The following ANK3 variants were observed in gnomAD, a reference collection of about 807,000 sequenced individuals.
The protein encoded by ANK3 is ankyrin 3.
A neutral mutation model predicts 370.9 loss-of-function variants in ANK3; 57 were observed. That is an observed-to-expected ratio of 0.15 (90% CI 0.12 to 0.19). The LOEUF is 0.19. Ranked by LOEUF, ANK3 falls within the 10% of genes least tolerant of loss-of-function variation. The probability of loss-of-function intolerance (pLI) is 1.00; values close to 1 mark genes in which losing one functional copy is unlikely to be tolerated. For synonymous variants in ANK3, 1,929 were observed against 1,946.3 expected, an observed-to-expected ratio of 0.99 and a Z score of 0.23; for missense variants, 4,439 against 5,302.1, an observed-to-expected ratio of 0.84 and a Z score of 5.06.
chr10:60,468,997 G>GTGTATATATATATA (rs2065079802), intron 2 of ANK3, among the ~76,000 whole-genome samples: 1 of 23,256 alleles, frequency 4.3e-5, no homozygotes, highest in East Asian at 2.0e-3. Context: ...CTTTTAGTGT[G>GTGTATATATATATA]TATATATATA....
At chr10:60,661,250 A>G (rs1242545119) in intron 1 of ANK3, among the ~76,000 whole-genome samples, 1 of 152,068 alleles carries the variant, frequency 6.6e-6, no homozygotes, top group African/African-American at 2.4e-5. Context: ...ACATATAAAC[A>G]TATAAGCAAA....
chr10:60,471,633 T>C (rs1014508376), intron 2 of ANK3, among the ~76,000 whole-genome samples: 1 of 152,152 alleles, frequency 6.6e-6, no homozygotes, highest in Non-Finnish European at 1.5e-5. Flanking sequence ...GATCAAACAC[T>C]ATATACCTTG....
chr10:60,390,951 G>A (rs1231185517), upstream of ANK3, among the ~76,000 whole-genome samples: 4 of 152,174 alleles, frequency 2.6e-5, no homozygotes, highest in Non-Finnish European at 4.4e-5. Flanking sequence ...CATCATGTGA[G>A]GATTTGGTTG....
chr10:60,719,669 C>T (rs760632115), intron 1 of ANK3, among the ~76,000 whole-genome samples: 9 of 152,066 alleles, frequency 5.9e-5, no homozygotes, highest in African/African-American at 1.9e-4. Flanking sequence ...GCCATTTATC[C>T]TTTTGGTACT....
At chr10:60,695,497 C>G (rs146255868) in intron 1 of ANK3, among the ~76,000 whole-genome samples, 12 of 152,074 alleles carry the variant, frequency 7.9e-5, no homozygotes, top group East Asian at 1.9e-4. Flanking sequence ...CCACATACTT[C>G]GAAGTAAAGC....
chr10:60,509,070 G>A (rs2076012467), intron 2 of ANK3, among the ~76,000 whole-genome samples: 1 of 151,998 alleles, frequency 6.6e-6, no homozygotes, highest in South Asian at 2.1e-4. Context: ...AGGGCAACTG[G>A]CAGCTAAAAA....
At chr10:60,226,197 T>C (rs1226124751) in intron 8 of ANK3, among the ~76,000 whole-genome samples, 4 of 127,534 alleles carry the variant, frequency 3.1e-5, no homozygotes, top group African/African-American at 1.2e-4. Flanking sequence ...ATATATACTA[T>C]ATTATATAGT....
At chr10:60,448,380 G>A (rs1020775512) in intron 2 of ANK3, among the ~76,000 whole-genome samples, 5 of 152,156 alleles carry the variant, frequency 3.3e-5, no homozygotes, top group African/African-American at 7.2e-5. Flanking sequence ...GAAAATTAGG[G>A]TTCTCACATC....
chr10:60,504,913 T>C (rs1347381448), intron 2 of ANK3, among the ~76,000 whole-genome samples: 1 of 152,150 alleles, frequency 6.6e-6, no homozygotes, highest in Non-Finnish European at 1.5e-5. Flanking sequence ...AGGGCATATG[T>C]GAGCCATAAG....
chr10:60,472,182 G>A (rs1315410682), intron 2 of ANK3, among the ~76,000 whole-genome samples: 1 of 152,144 alleles, frequency 6.6e-6, no homozygotes, highest in African/African-American at 2.4e-5. Context: ...TGATCTGCAA[G>A]CAGACATACA....
chr10:60,105,862 C>G (rs2092099720), intron 28 of ANK3, 43 bp downstream of exon 28: 1 of 1,537,452 alleles, frequency 6.5e-7, no homozygotes, highest in Non-Finnish European at 8.7e-7. Flanking sequence ...CCTTTAATTT[C>G]TGCCTGCAGA....
chr10:60,387,671 C>A (rs1365934110), intron 1 of ANK3, among the ~76,000 whole-genome samples: 1 of 152,114 alleles, frequency 6.6e-6, no homozygotes, highest in Admixed American at 6.5e-5. Context: ...CTCCTTGTTC[C>A]CTTCTGGTTG....
chr10:60,490,283 G>A (rs2075459688), intron 2 of ANK3, among the ~76,000 whole-genome samples: 1 of 152,098 alleles, frequency 6.6e-6, no homozygotes, highest in African/African-American at 2.4e-5. Context: ...ACATTCTCAG[G>A]GTCTTTCCCA....
At chr10:60,650,074 A>C (rs933548381) in intron 1 of ANK3, among the ~76,000 whole-genome samples, 5 of 152,346 alleles carry the variant, frequency 3.3e-5, no homozygotes, top group African/African-American at 1.2e-4. Context: ...TAAGCAAAAA[A>C]TATGCACTGA....
At chr10:60,396,241 A>G (rs2063236511) in intron 2 of ANK3, among the ~76,000 whole-genome samples, 1 of 152,222 alleles carries the variant, frequency 6.6e-6, no homozygotes, top group South Asian at 2.1e-4. Flanking sequence ...GAAAGTGACC[A>G]GATAGGGAAC....
chr10:60,464,036 A>T (rs973068407), intron 2 of ANK3, among the ~76,000 whole-genome samples: 1 of 152,156 alleles, frequency 6.6e-6, no homozygotes, highest in African/African-American at 2.4e-5. Flanking sequence ...TCACACAGAG[A>T]TTTCTCTCCA....
intron 2 of ANK3, among the ~76,000 whole-genome samples, chr10:60,570,338 A>G (rs2077562210): frequency 6.6e-6 from 1 of 152,188 alleles, no homozygotes; most frequent in South Asian, 2.1e-4. Context: ...AGACAGTATA[A>G]GGTGCTGTGT....
chr10:60,261,999 G>GC, intron 6 of ANK3, 42 bp from the exon 7 acceptor site: 1 of 1,532,618 alleles, frequency 6.5e-7, no homozygotes, highest in Non-Finnish European at 9.0e-7. Flanking sequence ...ATTCCTGCCA[G>GC]CCCCCTGCCT....
chr10:60,655,876 A>C (rs539031068), intron 1 of ANK3, among the ~76,000 whole-genome samples: 1 of 152,326 alleles, frequency 6.6e-6, no homozygotes, highest in South Asian at 2.1e-4. Flanking sequence ...ATGTTGAGAT[A>C]CATAAATACT....
Sources: allele counts gnomAD v4.1 joint callset (sites outside exome capture counted in the v4.1 genomes callset), GRCh38; gene constraint gnomAD v4.1.1; transcripts MANE v1.5; gene names NCBI Gene and HGNC (gene_info 2026-07-23, HGNC 2026-07-21).